Variants in ANK2 observed in about 807,000 individuals in gnomAD.
ANK2 encodes the protein ankyrin 2, also known as ankyrin-2.
A neutral mutation model predicts 360.5 loss-of-function variants in ANK2; 83 were observed. The ratio of observed to expected loss-of-function variants is 0.23; its 90% CI spans 0.19 to 0.28. ANK2 has a LOEUF of 0.28. ANK2 is among the 10% of genes least tolerant of loss of function. The pLI is 1.00. For synonymous variants in ANK2, 1,740 were observed against 1,759.5 expected (o/e 0.99, Z 0.28); for missense variants, 4,201 against 4,795.7 (o/e 0.88, Z 3.66).
chr4:113,281,291 A>C (rs1254336957), intron 17 of ANK2, among the ~76,000 whole-genome samples: 1 of 152,118 alleles, frequency 6.6e-6, no homozygotes, highest in Non-Finnish European at 1.5e-5. Flanking sequence ...TAATCCCAGC[A>C]CTTTAGGGGG....
At position 113,336,126 on chromosome 4, in the gene ANK2, A is replaced by G. The variant is rs892800802; in HGVS notation, c.3591+69A>G. ...CTAATGATTAAAAATTAGCTTTGTCAAGGACTGTTACCTTTGTTTTATAAT... is the reference window on the plus strand; with the variant it reads ...CTAATGATTAAAAATTAGCTTTGTCGAGGACTGTTACCTTTGTTTTATAAT... On this transcript the variant is annotated intron_variant, in intron 30 of 45. Transcript: ENST00000357077. The G allele has an allele frequency of 1.3e-5, 20 of 1,505,786 alleles. No homozygotes were observed. In the African/African-American group the frequency reaches 1.5e-4, roughly 12 times the overall value. The allele number at this position is 1,505,786 out of a possible 1,614,324, so 93.3% of individuals were successfully genotyped here. A position where few individuals can be genotyped will look rare whatever the true frequency, so the allele number is the denominator to read the frequency against.
At chr4:112,779,721 A>G in the ANK2 span, among the ~76,000 whole-genome samples, 1 of 152,194 alleles carries the variant, frequency 6.6e-6, no homozygotes, top group Non-Finnish European at 1.5e-5. Flanking sequence ...GCATTCACAC[A>G]CATTTTAATT....
chr4:112,814,602 C>G (rs148138444), upstream of ANK2, among the ~76,000 whole-genome samples: 3 of 152,212 alleles, frequency 2.0e-5, no homozygotes, highest in Admixed American at 6.5e-5. Flanking sequence ...TGTGTACCAC[C>G]ACTCCAGGCT....
intron 1 of ANK2, among the ~76,000 whole-genome samples, chr4:112,836,079 C>T (rs1366916621): frequency 1.3e-5 from 2 of 152,052 alleles, no homozygotes; most frequent in Non-Finnish European, 2.9e-5. Context: ...TGTGTCCCTA[C>T]CCAAATCTCA....
upstream of ANK2, among the ~76,000 whole-genome samples, chr4:112,815,481 G>T (rs919316541): frequency 1.1e-4 from 16 of 152,138 alleles, no homozygotes; most frequent in African/African-American, 3.9e-4. Flanking sequence ...AATGAGGAGA[G>T]ATTAGCATAA....
intron 2 of ANK2, among the ~76,000 whole-genome samples, chr4:112,952,102 G>A (rs940531157): frequency 6.6e-6 from 1 of 152,098 alleles, no homozygotes; most frequent in Non-Finnish European, 1.5e-5. Flanking sequence ...GTAACTTTAT[G>A]TTATGCAAAT....
In ANK2 at chr4:113,341,729, C is replaced by T; in HGVS notation, c.3935C>T (p.Thr1312Ile). 1 of 1,614,128 alleles carries T rather than the reference C, an allele frequency of 6.2e-7. No individual in the cohort carries two copies. Among genetic ancestry groups the T allele is most frequent in the Non-Finnish European group, 8.5e-7 (1 of 1,180,008 alleles). ...IDCRQIQESV[T>I]FASQVYREII... is the part of the protein sequence containing the mutation. ...TGTCGACAGATCCAGGAATCCGTTA[C>T]TTTTGCATCACAAGTATACAGAGAA... The change falls in exon 33 of 46, where the codon ACT becomes ATT. Residue 1312 changes from threonine to isoleucine, a missense_variant. Transcript: ENST00000357077.
chr4:112,753,110 C>T, the ANK2 span, among the ~76,000 whole-genome samples: 3 of 152,344 alleles, frequency 2.0e-5, no homozygotes, highest in African/African-American at 4.8e-5. Context: ...TTCCTCGAGC[C>T]TCAGGCCATT....
At chr4:113,121,980 A>G (rs535159174) in intron 1 of ANK2, among the ~76,000 whole-genome samples, 1 of 152,238 alleles carries the variant, frequency 6.6e-6, no homozygotes, top group East Asian at 1.9e-4. Context: ...AGCAATGAAG[A>G]TTTTTAGAAG....
At chr4:112,757,076 A>G in the ANK2 span, among the ~76,000 whole-genome samples, 1 of 151,756 alleles carries the variant, frequency 6.6e-6, no homozygotes. Flanking sequence ...CCCAAATTAT[A>G]TCATTTCTCT....
At chr4:113,072,742 A>ATTTTTTTTTTTTTTTTTTTTTT (rs34098456) in intron 1 of ANK2, among the ~76,000 whole-genome samples, 2 of 74,220 alleles carry the variant, frequency 2.7e-5, no homozygotes, top group East Asian at 3.8e-4. Context: ...ACTTGGCATA[A>ATTTTTTTTTTTTTTTTTTTTTT]TTTTTTTTTT....
intron 24 of ANK2, among the ~76,000 whole-genome samples, chr4:113,315,385 C>G (rs1021887173): frequency 1.3e-5 from 2 of 152,138 alleles, no homozygotes; most frequent in African/African-American, 4.8e-5. Context: ...ATCTGGCAGC[C>G]ACGTCACAAG....
chr4:113,372,584 A>T (rs1237467656), intron 43 of ANK2: 1 of 1,536,018 alleles, frequency 6.5e-7, no homozygotes, highest in South Asian at 1.2e-5. Flanking sequence ...TGAGGAGGCG[A>T]TGGTAACTAC....
intron 1 of ANK2, among the ~76,000 whole-genome samples, chr4:112,833,526 G>C (rs892424803): frequency 1.4e-5 from 2 of 143,794 alleles, no homozygotes; most frequent in African/African-American, 2.7e-5. Context: ...TTTTTTGAGA[G>C]GGAGTCTCGC....
intron 7 of ANK2, among the ~76,000 whole-genome samples, chr4:113,238,806 G>T (rs548409599): frequency 3.3e-5 from 5 of 152,098 alleles, no homozygotes; most frequent in Non-Finnish European, 5.9e-5. Flanking sequence ...TCAGGGAAGC[G>T]TTCCTCTGAA....
At chr4:113,143,846 G>T (rs1161323532) in intron 1 of ANK2, among the ~76,000 whole-genome samples, 1 of 152,042 alleles carries the variant, frequency 6.6e-6, no homozygotes, top group African/African-American at 2.4e-5. Flanking sequence ...ACAGAACATG[G>T]TTCAAATATG....
chr4:113,089,226 C>T (rs903956278), intron 1 of ANK2, among the ~76,000 whole-genome samples: 5 of 152,180 alleles, frequency 3.3e-5, no homozygotes, highest in African/African-American at 1.2e-4. Flanking sequence ...GAACTGTAAA[C>T]ATTTCATGAC....
intron 2 of ANK2, among the ~76,000 whole-genome samples, chr4:113,024,020 A>T (rs1017852210): frequency 5.3e-5 from 8 of 152,146 alleles, no homozygotes; most frequent in Non-Finnish European, 1.0e-4. Context: ...GGGCTTACAA[A>T]ATTTGTTTTG....
chr4:113,323,119 G>A (rs2087345700), intron 26 of ANK2, among the ~76,000 whole-genome samples: 1 of 152,088 alleles, frequency 6.6e-6, no homozygotes, highest in African/African-American at 2.4e-5. Context: ...AGAGTGAAAG[G>A]TAGAACTATA....
Sources: allele counts gnomAD v4.1 joint callset (sites outside exome capture counted in the v4.1 genomes callset), GRCh38; gene constraint gnomAD v4.1.1; transcripts MANE v1.5; gene names NCBI Gene and HGNC (gene_info 2026-07-23, HGNC 2026-07-21).